The following NEK11 variants were observed in gnomAD, a reference collection of about 807,000 sequenced individuals.
NEK11 encodes NIMA related kinase 11, also known as serine/threonine-protein kinase Nek11.
Under a neutral mutation model 80.7 loss-of-function variants are expected in NEK11, and 72 were observed. The observed-to-expected ratio is 0.89, with a 90% CI of 0.74 to 1.08. The LOEUF is 1.08. Ranked by LOEUF, NEK11 falls within the 50% of genes least tolerant of loss-of-function variation. The pLI is 0.00. For missense variants in NEK11, 764 were observed against 763.6 expected (o/e 1.00, Z -0.01); for synonymous variants, 251 against 260.7 (o/e 0.96, Z 0.36).
intron 7 of NEK11, among the ~76,000 whole-genome samples, chr3:131,141,015 G>T (rs1034608999): frequency 6.6e-6 from 1 of 152,002 alleles, no homozygotes; most frequent in African/African-American, 2.4e-5. Context: ...AATGTTCACT[G>T]ATGTCACATT....
chr3:131,320,271 G>T (rs890836851), intron 17 of NEK11, among the ~76,000 whole-genome samples: 3 of 152,086 alleles, frequency 2.0e-5, no homozygotes, highest in Admixed American at 6.6e-5. Context: ...CCAAATTAAA[G>T]AGAAAATGGT....
chr3:131,325,381 A>G (rs1267475698), intron 17 of NEK11: 4 of 152,044 alleles, frequency 2.6e-5, no homozygotes, highest in Non-Finnish European at 5.9e-5. Context: ...ATATATAGTA[A>G]AAGTATTTTT....
At chr3:131,164,876 T>C (rs1461850732) in intron 11 of NEK11, among the ~76,000 whole-genome samples, 2 of 152,192 alleles carry the variant, frequency 1.3e-5, no homozygotes, top group African/African-American at 4.8e-5. Context: ...AACCTGAGTA[T>C]AAATTAGCCC....
At chr3:131,184,822 CTTTATGGA>C (rs2093531842) in intron 14 of NEK11, 2 of 538,824 alleles carry the variant, frequency 3.7e-6, no homozygotes, top group Non-Finnish European at 5.6e-6. Flanking sequence ...TTGCATCTTT[CTTTATGGA>C]TACCCCTACA....
chr3:131,134,687 C>T (rs2085204208), intron 7 of NEK11, among the ~76,000 whole-genome samples: 1 of 152,172 alleles, frequency 6.6e-6, no homozygotes, highest in African/African-American at 2.4e-5. Context: ...GTGTGAGCCA[C>T]CGCGCCCAGA....
rs55944737 is a variant in NEK11 at position 131,349,654 on chromosome 3, G to C, written c.1816G>C (p.Glu606Gln). Reference sequence around the variant, plus strand: ...GAATGCTAGCGAAGCAGAGATCCGCGAGTGTTTGGAAAAAGTGGTGCCTCA... The same window carrying C: ...GAATGCTAGCGAAGCAGAGATCCGCCAGTGTTTGGAAAAAGTGGTGCCTCA... The part of the protein sequence containing the change: ...HQNASEAEIR[E>Q]CLEKVVPQAS... The change falls in exon 18 of 18, where the codon GAG (glutamate) becomes CAG (glutamine). Residue 606 changes from glutamate (E) to glutamine (Q), a missense_variant. By Grantham distance (29) the Glu-to-Gln change is conservative (BLOSUM62 2). Coordinates refer to ENST00000383366, the MANE Select transcript of NEK11 (RefSeq NM_024800.5). 16 of 1,614,048 alleles carry C rather than the reference G, an allele frequency of 9.9e-6. No individual in the cohort carries two copies. The highest frequency in any genetic ancestry group is 1.4e-5 in the Non-Finnish European group (16 of 1,180,020).
rs569769753 is a variant in NEK11, at chr3:131,083,382, G to C, written c.336+2794G>C. 2.4e-3 allele frequency among the ~76,000 whole-genome samples: 370 copies of C among 152,366 alleles called. 3 individuals carry two copies. Among genetic ancestry groups the C allele is most frequent in the Non-Finnish European group, 3.3e-3 (222 of 68,034 alleles). The stretch of plus-strand genomic sequence containing the variant: ...GTGATGGCTGCTGGCAGTGCTGAGA[G>C]ACAGCTGTGGGGCCGCCTGGGCTCT... On this transcript the variant is annotated intron_variant, in intron 4 of 17. Transcript: ENST00000383366.
At chr3:131,229,039 A>G (rs1456700927) in intron 15 of NEK11, among the ~76,000 whole-genome samples, 9 of 152,186 alleles carry the variant, frequency 5.9e-5, no homozygotes, top group Non-Finnish European at 1.5e-5. Context: ...GGCACTTTTT[A>G]TATACTTTTC....
chr3:131,241,831 G>A (rs987950964), intron 15 of NEK11, among the ~76,000 whole-genome samples: 1 of 152,056 alleles, frequency 6.6e-6, no homozygotes, highest in African/African-American at 2.4e-5. Context: ...ATATAGAAAA[G>A]ACTGACTATA....
rs189189374 is a variant in NEK11, at chr3:131,199,996, A to G, written c.1400-28532A>G. On this transcript the variant is annotated intron_variant, in intron 14 of 17. Transcript: ENST00000383366. ...TTCCAGAATTGATGGATATCATTCA[A>G]TAGATTCAAGAGACTGAAGAATACC... is the stretch of plus-strand genomic sequence containing the variant. Among the ~76,000 whole-genome samples, 5 of 152,338 alleles carry G rather than the reference A, an allele frequency of 3.3e-5. No homozygotes were observed. In the East Asian group the frequency reaches 7.7e-4, roughly 23 times the overall value.
At chr3:131,066,935 G>A (rs2072131710) in intron 3 of NEK11, among the ~76,000 whole-genome samples, 1 of 151,886 alleles carries the variant, frequency 6.6e-6, no homozygotes, top group Non-Finnish European at 1.5e-5. Flanking sequence ...AACAGACTCT[G>A]TGTCTTAATC....
chr3:131,087,235 CTTT>C (rs59630167), intron 4 of NEK11, among the ~76,000 whole-genome samples: 7 of 81,210 alleles, frequency 8.6e-5, no homozygotes, highest in Non-Finnish European at 7.0e-5. Flanking sequence ...TATGCAAATT[CTTT>C]TTTTTTTTTT....
intron 17 of NEK11, among the ~76,000 whole-genome samples, chr3:131,296,586 G>A (rs1042187841): frequency 3.3e-5 from 5 of 152,130 alleles, no homozygotes; most frequent in African/African-American, 1.2e-4. Flanking sequence ...CAAAATTCTA[G>A]GTTGGTGGGA....
chr3:131,288,584 C>T (rs2096505262), intron 17 of NEK11, among the ~76,000 whole-genome samples: 1 of 151,524 alleles, frequency 6.6e-6, no homozygotes, highest in African/African-American at 2.4e-5. Flanking sequence ...TCCTGAGTAC[C>T]TAGGATTATA....
intron 5 of NEK11, among the ~76,000 whole-genome samples, chr3:131,116,252 T>C (rs952920930): frequency 3.9e-5 from 6 of 152,052 alleles, no homozygotes; most frequent in Admixed American, 3.3e-4. Flanking sequence ...TCTGATAGTT[T>C]GCTCAGAATG....
intron 15 of NEK11, among the ~76,000 whole-genome samples, chr3:131,230,191 CAGATTT>C (rs1315645849): frequency 1.3e-5 from 2 of 152,096 alleles, no homozygotes; most frequent in Admixed American, 6.6e-5. Flanking sequence ...GAAAATAAAA[CAGATTT>C]AGAACCACAT....
At chr3:131,302,214 T>A (rs569120581) in intron 17 of NEK11, among the ~76,000 whole-genome samples, 1 of 152,242 alleles carries the variant, frequency 6.6e-6, no homozygotes, top group South Asian at 2.1e-4. Context: ...GTCCGATTTG[T>A]TATTTCTAAT....
intron 3 of NEK11, among the ~76,000 whole-genome samples, chr3:131,055,413 A>G (rs895020218): frequency 1.3e-5 from 2 of 152,088 alleles, no homozygotes; most frequent in Admixed American, 6.6e-5. Context: ...CAAATATATA[A>G]TATACTAAAA....
chr3:131,175,314 T>C (rs2092941841), intron 14 of NEK11, among the ~76,000 whole-genome samples: 1 of 152,184 alleles, frequency 6.6e-6, no homozygotes, highest in Admixed American at 6.5e-5. Flanking sequence ...CTAGAAGTTT[T>C]ATTCATAAGT....
Sources: allele counts gnomAD v4.1 joint callset (sites outside exome capture counted in the v4.1 genomes callset), GRCh38; gene constraint gnomAD v4.1.1; transcripts MANE v1.5; gene names NCBI Gene and HGNC (gene_info 2026-07-23, HGNC 2026-07-21).